RND1: variants seen among roughly 807,000 people sequenced by gnomAD.
RND1 encodes rho-related GTP-binding protein Rho6.
A neutral mutation model predicts 27.1 loss-of-function variants in RND1; 9 were observed. The ratio of observed to expected loss-of-function variants is 0.33; its 90% confidence interval spans 0.20 to 0.58. RND1 has a LOEUF of 0.58. Among genes scored for constraint, RND1 ranks in the 20% least tolerant of loss-of-function variants. The pLI is 0.86. For missense variants in RND1, 253 were observed against 292.2 expected (o/e 0.87, Z 0.98); for synonymous variants, 108 against 115.7 (o/e 0.93, Z 0.43).
chr12:48,858,780 G>C (rs1270180649), intron 4 of RND1: 1 of 150,114 alleles, frequency 6.7e-6, no homozygotes, highest in Non-Finnish European at 1.5e-5. Context: ...TCAAATACTA[G>C]AGAGGATCCC....
At chr12:48,862,678 A>C (rs1240778553) in intron 2 of RND1, among the ~76,000 whole-genome samples, 1 of 152,148 alleles carries the variant, frequency 6.6e-6, no homozygotes, top group East Asian at 1.9e-4. Flanking sequence ...AAAAGGGCAA[A>C]AGGAAAGCTG....
At chr12:48,858,295 C>A in intron 4 of RND1, 54 bp from the exon 5 acceptor site, 2 of 1,582,498 alleles carry the variant, frequency 1.3e-6, no homozygotes, top group Non-Finnish European at 1.7e-6. Context: ...CTCTGGGACG[C>A]TGCCTCTGTG....
chr12:48,864,418 C>T (rs10875881), intron 2 of RND1, among the ~76,000 whole-genome samples: 36,758 of 96,830 alleles, frequency 0.38, 4,783 homozygotes, highest in East Asian at 0.5. Flanking sequence ...TGTGTGTGTG[C>T]GCGCGCGCGC....
rs774020370 is a variant in RND1, at chr12:48,861,975, TGAGTTAGA to T, written c.318+26_318+33del. On this transcript the variant is annotated intron_variant, in intron 3 of 4. Coordinates refer to ENST00000309739, the MANE Select transcript of RND1 (RefSeq NM_014470.4). ...CCCGATTCCTTCTTGGTCCTCATGC[TGAGTTAGA>T]GATTAGAGAGTTGATCTAGTCTTAC... 2.4e-6 allele frequency: 3 copies of T among 1,225,658 alleles called. No individual in the cohort carries two copies. In the South Asian group the frequency reaches 3.6e-5, roughly 15 times the overall value. The allele number at this position is 1,225,658 out of a possible 1,614,324, so 75.9% of individuals were successfully genotyped here.
intron 4 of RND1, 179 bp from the exon 5 acceptor site, chr12:48,858,420 G>A: frequency 1.7e-6 from 1 of 590,860 alleles, no homozygotes; most frequent in Non-Finnish European, 2.8e-6. Context: ...CATACACCCT[G>A]TCTGATGATG....
chr12:48,862,145 G>A (rs774702091), intron 2 of RND1, 27 bp from the exon 3 acceptor site: 1 of 1,384,808 alleles, frequency 7.2e-7, no homozygotes, highest in East Asian at 2.3e-5. Flanking sequence ...AGAGCTGATG[G>A]TGAGCCATGG....
chr12:48,861,815 G>C (rs909738723), intron 3 of RND1, among the ~76,000 whole-genome samples, 194 bp downstream of exon 3: 5 of 152,208 alleles, frequency 3.3e-5, no homozygotes, highest in African/African-American at 1.2e-4. Context: ...ATAACAAAAA[G>C]GGCGGGAGGC....
chr12:48,864,555 G>C (rs983668934), intron 2 of RND1, among the ~76,000 whole-genome samples: 9 of 152,032 alleles, frequency 5.9e-5, no homozygotes, highest in Non-Finnish European at 8.8e-5. Context: ...GCCCTCTAAA[G>C]GGTGGAACCA....
At position 48,860,989 on chromosome 12, in the gene RND1, G is replaced by T. The variant is rs562811071; in HGVS notation, c.453+8C>A. On this transcript the variant is annotated splice_region_variant and intron_variant, in intron 4 of 4. Coordinates refer to ENST00000309739, the MANE Select transcript of RND1 (RefSeq NM_014470.4). ...CACCCCACGACATGCACTTGCATGCGCACACACCTGCTCATAGGAGATGGG... is the reference window on the plus strand; with the variant it reads ...CACCCCACGACATGCACTTGCATGCTCACACACCTGCTCATAGGAGATGGG... 2 of 1,612,842 alleles carry T rather than the reference G, an allele frequency of 1.2e-6. No homozygotes were observed. The highest frequency in any genetic ancestry group is 1.3e-5 in the African/African-American group (1 of 74,998).
In RND1 at chr12:48,858,107, C is replaced by T. The variant is rs1938868342; in HGVS notation, c.588G>A (p.Gln196=). The T allele has an allele frequency of 6.2e-7, 1 of 1,614,092 alleles. No individual in the cohort carries two copies. The highest frequency in any genetic ancestry group is 8.5e-7 in the Non-Finnish European group (1 of 1,180,052). Residue 196 remains glutamine, a synonymous_variant, in exon 5 of 5, where the codon CAG becomes CAA. Transcript: ENST00000309739. ...TGGAGAGGCTTCGGACAGGGCTCTT[C>T]TGGGGCAGTGGGCTAGGCTTGTTCA... ...LCLNKPSPLP[Q]KSPVRSLSKR... is the part of the protein sequence containing the mutation.
chr12:48,865,811 G>C lies in RND1; in HGVS notation c.-44C>G, dbSNP rs377604830. 6.5e-7 allele frequency: 1 copy of C among 1,544,548 alleles called. No individual in the cohort carries two copies. Among genetic ancestry groups the C allele is most frequent in the Non-Finnish European group, 8.8e-7 (1 of 1,139,112 alleles). On this transcript the variant is annotated 5_prime_UTR_variant, in exon 1 of 5. Coordinates refer to ENST00000309739, the MANE Select transcript of RND1 (RefSeq NM_014470.4). ...ACTTGAACTTCGATTCAGAAGGGAG[G>C]GTTGCGCCAGGTGCGTCTCAGCACG...
chr12:48,860,652 C>T (rs1938908818), intron 4 of RND1, among the ~76,000 whole-genome samples: 1 of 150,078 alleles, frequency 6.7e-6, no homozygotes, highest in Non-Finnish European at 1.5e-5. Context: ...CCTCCTGCCT[C>T]AGCCTCCCAA....
chr12:48,865,070 C>T (rs990538373), intron 1 of RND1, among the ~76,000 whole-genome samples, 200 bp from the exon 2 acceptor site: 2 of 151,416 alleles, frequency 1.3e-5, no homozygotes, highest in South Asian at 4.2e-4. Flanking sequence ...TGAATGACAC[C>T]CCCCCACACC....
rs1339771781 is a variant in RND1 at position 48,857,922 on chromosome 12, C to T, written c.*74G>A. On this transcript the variant is annotated 3_prime_UTR_variant, in exon 5 of 5. Transcript: ENST00000309739. ...TCATGTCCAGTGTCCTAAATTGTCT[C>T]ATCCTCCCTCTCCCCGTGCCTCTGC... 4 of 1,513,662 alleles carry T rather than the reference C, an allele frequency of 2.6e-6. No individual in the cohort carries two copies. Among genetic ancestry groups the T allele is most frequent in the Admixed American group, 4.4e-5 (2 of 45,242 alleles). The allele number at this position is 1,513,662 out of a possible 1,614,324, so 93.8% of individuals were successfully genotyped here. A position where few individuals can be genotyped will look rare whatever the true frequency, so the allele number is the denominator to read the frequency against.
chr12:48,858,183 G>A lies in RND1; in HGVS notation c.512C>T (p.Thr171Ile). 6.2e-7 allele frequency: 1 copy of A among 1,614,170 alleles called. No homozygotes were observed. The highest frequency in any genetic ancestry group is 1.1e-5 in the South Asian group (1 of 91,078). Reference sequence around the variant, plus strand: ...GATGCTGTGGATGCTCTTTTCTGAGGTGAAAGCTGAGCCTTCCAGGTAGAT... The same window carrying A: ...GATGCTGTGGATGCTCTTTTCTGAGATGAAAGCTGAGCCTTCCAGGTAGAT... Reference protein sequence around the residue: ...AEIYLEGSAFTSEKSIHSIFR... With the variant: ...AEIYLEGSAFISEKSIHSIFR... Residue 171 changes from threonine to isoleucine, a missense_variant, in exon 5 of 5, where the codon ACC becomes ATC. Physicochemically the swap from Thr to Ile is moderately conservative, Grantham distance 89. Coordinates refer to ENST00000309739, the MANE Select transcript of RND1 (RefSeq NM_014470.4).
Position 48,865,869 on chromosome 12 carries a change from C to T in RND1, c.-102G>A, listed in dbSNP as rs951937301. 1.4e-6 allele frequency: 2 copies of T among 1,479,798 alleles called. No homozygotes were observed. The highest frequency in any genetic ancestry group is 1.8e-6 in the Non-Finnish European group (2 of 1,116,622). 91.7% of individuals were successfully genotyped at this position (1,479,798 alleles called of 1,614,324 possible). A position where few individuals can be genotyped will look rare whatever the true frequency, so the allele number is the denominator to read the frequency against. On this transcript the variant is annotated 5_prime_UTR_variant, in exon 1 of 5. Coordinates refer to ENST00000309739, the MANE Select transcript of RND1 (RefSeq NM_014470.4). ...AGCCAGATTCCCTGCCTCCCTCCAACTGAGGAGGAGGCCGGCACAGCCGCC... is the reference window on the plus strand; with the variant it reads ...AGCCAGATTCCCTGCCTCCCTCCAATTGAGGAGGAGGCCGGCACAGCCGCC...
Position 48,864,878 on chromosome 12 carries a change from A to G in RND1, c.121-8T>C, listed in dbSNP as rs752157118. The G allele has an allele frequency of 4.4e-6, 7 of 1,607,956 alleles. No individual in the cohort carries two copies. In the South Asian group the frequency reaches 5.5e-5, roughly 13 times the overall value. On this transcript the variant is annotated splice_region_variant and splice_polypyrimidine_tract_variant and intron_variant, in intron 1 of 4. Coordinates refer to ENST00000309739, the MANE Select transcript of RND1 (RefSeq NM_014470.4). ...CACGGTGGGCACATAGGTCTGTGAA[A>G]AGAGAGGAAACATTCACCCCATGCA...
rs755636649 is a variant in RND1, at chr12:48,861,120, T to A, written c.330A>T (p.Glu110Asp). ...VDSALKKWRTEILDYCPSTRV... is the reference protein window; with the variant it reads ...VDSALKKWRTDILDYCPSTRV... ...GGGTGCTGGGACAATAATCTAGGATTTCTGTCCTCCACTGAGGGGTGGAGC... is the reference window on the plus strand; with the variant it reads ...GGGTGCTGGGACAATAATCTAGGATATCTGTCCTCCACTGAGGGGTGGAGC... The change falls in exon 4 of 5, where the codon GAA becomes GAT. Residue 110 changes from glutamate to aspartate, a missense_variant. Glu to Asp is a conservative substitution (Grantham distance 45, BLOSUM62 2). Coordinates refer to ENST00000309739, the MANE Select transcript of RND1 (RefSeq NM_014470.4). The A allele has an allele frequency of 6.2e-7, 1 of 1,612,118 alleles. No individual in the cohort carries two copies. Among genetic ancestry groups the A allele is most frequent in the Admixed American group, 1.7e-5 (1 of 59,914 alleles).
chr12:48,864,384 G>GGTGTGTGTGTGTGTGTGT (rs539837491), intron 2 of RND1, among the ~76,000 whole-genome samples: 8 of 141,796 alleles, frequency 5.6e-5, no homozygotes, highest in African/African-American at 1.9e-4. Flanking sequence ...GGAAGTAAAA[G>GGTGTGTGTGTGTGTGTGT]GTGTGTGTGT....
Sources: gnomAD v4.1 joint callset for allele counts (sites outside exome capture counted in the v4.1 genomes callset) on GRCh38, gnomAD v4.1.1 for gene constraint, MANE v1.5 for transcripts, NCBI Gene and HGNC (gene_info 2026-07-23, HGNC 2026-07-21) for gene names.